RFX3: variants seen among roughly 807,000 people sequenced by gnomAD.
RFX3 encodes the protein transcription factor RFX3.
Under a neutral mutation model 98.6 loss-of-function variants are expected in RFX3, and 14 were observed. The ratio of observed to expected loss-of-function variants is 0.14; its 90% CI spans 0.09 to 0.22. The LOEUF is 0.22. RFX3 is among the 10% of genes least tolerant of loss of function. The probability of loss-of-function intolerance (pLI) is 1.00; values close to 1 mark genes in which losing one functional copy is unlikely to be tolerated. For missense variants in RFX3, 639 were observed against 926.9 expected (o/e 0.69, Z 4.03); for synonymous variants, 383 against 328.4 (o/e 1.17, Z -1.80).
At chr9:3,302,812 TACTC>T (rs1184668653) in intron 4 of RFX3, among the ~76,000 whole-genome samples, 5 of 151,940 alleles carry the variant, frequency 3.3e-5, no homozygotes, top group Middle Eastern at 6.8e-3. Context: ...ATACACAAAA[TACTC>T]AGTATCAATT....
At chr9:3,370,385 C>T (rs1166612930) in intron 2 of RFX3, among the ~76,000 whole-genome samples, 1 of 151,416 alleles carries the variant, frequency 6.6e-6, no homozygotes, top group East Asian at 1.9e-4. Context: ...ATATTCAGTC[C>T]CTTGCCTACT....
chr9:3,433,318 C>G (rs1844824220), intron 1 of RFX3, among the ~76,000 whole-genome samples: 1 of 152,132 alleles, frequency 6.6e-6, no homozygotes, highest in Non-Finnish European at 1.5e-5. Flanking sequence ...CCTTCTCATC[C>G]TACTCAATGT....
At chr9:3,227,883 A>C (rs1817971463) in intron 16 of RFX3, among the ~76,000 whole-genome samples, 1 of 152,130 alleles carries the variant, frequency 6.6e-6, no homozygotes, top group African/African-American at 2.4e-5. Context: ...AATATTGCAC[A>C]CTTTGGCGAA....
At chr9:3,450,096 C>A (rs1227673448) in intron 1 of RFX3, among the ~76,000 whole-genome samples, 1 of 151,992 alleles carries the variant, frequency 6.6e-6, no homozygotes, top group Non-Finnish European at 1.5e-5. Context: ...ATGGTAGATG[C>A]TAAAGAGAGT....
At chr9:3,507,792 T>C (rs1260208305) in intron 1 of RFX3, among the ~76,000 whole-genome samples, 1 of 152,006 alleles carries the variant, frequency 6.6e-6, no homozygotes, top group Non-Finnish European at 1.5e-5. Context: ...ACTTTTTTTA[T>C]TGTTGTGTTG....
At chr9:3,325,116 TATAA>T (rs1831765233) in intron 4 of RFX3, among the ~76,000 whole-genome samples, 1 of 152,206 alleles carries the variant, frequency 6.6e-6, no homozygotes, top group Non-Finnish European at 1.5e-5. Flanking sequence ...AACTAATTCG[TATAA>T]ATAAATTAAA....
At chr9:3,366,972 C>G (rs1837281981) in intron 2 of RFX3, among the ~76,000 whole-genome samples, 1 of 152,006 alleles carries the variant, frequency 6.6e-6, no homozygotes, top group Admixed American at 6.6e-5. Flanking sequence ...CTTCACTCTA[C>G]CTCACTGGCT....
intron 1 of RFX3, among the ~76,000 whole-genome samples, chr9:3,409,734 A>C (rs1324887501): frequency 2.0e-5 from 3 of 152,166 alleles, no homozygotes; most frequent in Non-Finnish European, 2.9e-5. Context: ...CACCCAGTAA[A>C]TTTTCTTTTG....
chr9:3,345,687 G>A (rs1587210008), intron 3 of RFX3, among the ~76,000 whole-genome samples: 2 of 151,900 alleles, frequency 1.3e-5, no homozygotes, highest in African/African-American at 4.8e-5. Flanking sequence ...ATTATAAAAC[G>A]AATACAAAAT....
intron 1 of RFX3, among the ~76,000 whole-genome samples, chr9:3,499,726 G>A (rs2133625894): frequency 6.6e-6 from 1 of 152,194 alleles, no homozygotes; most frequent in South Asian, 2.1e-4. Flanking sequence ...TGGAGACCAA[G>A]ATAAAGGTGT....
intron 1 of RFX3, among the ~76,000 whole-genome samples, chr9:3,503,029 C>T (rs1816213544): frequency 6.6e-6 from 1 of 152,126 alleles, no homozygotes; most frequent in South Asian, 2.1e-4. Context: ...TCATTGGTCA[C>T]CAAAGTCTCT....
In RFX3 at chr9:3,336,365, A is replaced by C. The variant is rs1439506588; in HGVS notation, c.216-5848T>G. On this transcript the variant is annotated intron_variant, in intron 3 of 16. Coordinates refer to ENST00000617270, the MANE Select transcript of RFX3 (RefSeq NM_001282116.2). ...AGAAAGTGGGCAAAAATTAGAAAGA[A>C]AATAAGATAATTAGAAGTTTTCCTC... 8.5e-5 allele frequency among the ~76,000 whole-genome samples: 13 copies of C among 152,158 alleles called. 1 individual carries two copies. The highest frequency in any genetic ancestry group is 8.5e-4 in the Admixed American group (13 of 15,260).
intron 14 of RFX3, 148 bp downstream of exon 14, chr9:3,256,843 T>G: frequency 1.4e-6 from 1 of 698,372 alleles, no homozygotes; most frequent in East Asian, 2.5e-5. Context: ...ATCACTGAGT[T>G]GGGTTGAAGG....
intron 1 of RFX3, among the ~76,000 whole-genome samples, chr9:3,450,120 G>C (rs899268669): frequency 6.6e-6 from 1 of 152,110 alleles, no homozygotes; most frequent in Non-Finnish European, 1.5e-5. Context: ...TGCCTGGCAA[G>C]GCAGAGAAAA....
intron 1 of RFX3, among the ~76,000 whole-genome samples, chr9:3,415,100 A>C: frequency 1.1e-5 from 1 of 87,342 alleles, no homozygotes; most frequent in African/African-American, 1.1e-4. Context: ...ATATACTCAT[A>C]TATAAGTATA....
chr9:3,475,556 T>C (rs980187233), intron 1 of RFX3, among the ~76,000 whole-genome samples: 2 of 152,212 alleles, frequency 1.3e-5, no homozygotes, highest in Admixed American at 6.5e-5. Context: ...TGCTACTATT[T>C]CTGCATATCG....
rs75027666 is a variant in RFX3 at position 3,479,004 on chromosome 9, T to C, written c.-9+46743A>G. 2.9e-4 allele frequency among the ~76,000 whole-genome samples: 44 copies of C among 152,240 alleles called. No individual in the cohort carries two copies. In the East Asian group the frequency reaches 8.3e-3, roughly 29 times the overall value. On this transcript the variant is annotated intron_variant, in intron 1 of 16. Transcript: ENST00000617270. ...CAGGGAGCTGCAAGTTGGGACAAAATATTAACTGTGCTCTGGGGATAGTGC... is the reference window on the plus strand; with the variant it reads ...CAGGGAGCTGCAAGTTGGGACAAAACATTAACTGTGCTCTGGGGATAGTGC...
At chr9:3,446,445 G>A (rs143753220) in intron 1 of RFX3, among the ~76,000 whole-genome samples, 69 of 152,124 alleles carry the variant, frequency 4.5e-4, no homozygotes, top group African/African-American at 1.6e-3. Flanking sequence ...TTGGAAACCA[G>A]GAGATCTGTG....
At chr9:3,493,390 A>G (rs1850861518) in intron 1 of RFX3, among the ~76,000 whole-genome samples, 1 of 152,020 alleles carries the variant, frequency 6.6e-6, no homozygotes. Context: ...CCATTTTTAA[A>G]AAATATACAC....
Sources: allele counts gnomAD v4.1 joint callset (sites outside exome capture counted in the v4.1 genomes callset), GRCh38; gene constraint gnomAD v4.1.1; transcripts MANE v1.5; gene names NCBI Gene and HGNC (gene_info 2026-07-23, HGNC 2026-07-21).